SMYD3: variants seen among roughly 807,000 people sequenced by gnomAD.
SMYD3 encodes the protein SET and MYND domain containing 3, also known as histone-lysine N-methyltransferase SMYD3.
Under a neutral mutation model 57.7 loss-of-function variants are expected in SMYD3, and 36 were observed. The ratio of observed to expected loss-of-function variants is 0.62; its 90% CI spans 0.48 to 0.82. SMYD3 has a LOEUF of 0.82. Among genes scored for constraint, SMYD3 ranks in the 40% least tolerant of loss-of-function variants. SMYD3 has a pLI of 0.00. For missense variants in SMYD3, 515 were observed against 538.8 expected, an observed-to-expected ratio of 0.96 and a Z score of 0.44; for synonymous variants, 211 against 195.0, an observed-to-expected ratio of 1.08 and a Z score of -0.68.
At chr1:246,123,207 A>C (rs948857532) in intron 5 of SMYD3, among the ~76,000 whole-genome samples, 2 of 152,318 alleles carry the variant, frequency 1.3e-5, no homozygotes, top group Admixed American at 6.5e-5. Flanking sequence ...TCCAAAATTA[A>C]AGAGAACTTC....
At chr1:246,063,084 C>T (rs1167200376) in intron 5 of SMYD3, among the ~76,000 whole-genome samples, 9 of 152,170 alleles carry the variant, frequency 5.9e-5, no homozygotes, top group African/African-American at 1.2e-4. Context: ...ATCTACTAGG[C>T]AGACTCTCAG....
At chr1:246,138,437 T>A (rs35219796) in intron 5 of SMYD3, among the ~76,000 whole-genome samples, 65,837 of 136,644 alleles carry the variant, frequency 0.48, 20,112 homozygotes, top group Non-Finnish European at 0.69. Flanking sequence ...TTATTTATTT[T>A]TTTTCTGAGA....
chr1:246,002,242 T>C (rs138187886), intron 5 of SMYD3, among the ~76,000 whole-genome samples: 2 of 144,840 alleles, frequency 1.4e-5, no homozygotes, highest in Non-Finnish European at 3.0e-5. Context: ...TGGAGTGCTG[T>C]GGCGCGATCT....
intron 1 of SMYD3, among the ~76,000 whole-genome samples, chr1:246,496,150 C>A (rs1285487347): frequency 6.6e-6 from 1 of 151,868 alleles, no homozygotes; most frequent in Non-Finnish European, 1.5e-5. Flanking sequence ...GATTCTCCTG[C>A]CTCAGCCTCC....
chr1:246,152,341 T>C (rs1245910953), intron 5 of SMYD3, among the ~76,000 whole-genome samples: 1 of 152,266 alleles, frequency 6.6e-6, no homozygotes, highest in African/African-American at 2.4e-5. Flanking sequence ...ACAAGGACAC[T>C]CAGAACTGAC....
At chr1:246,132,844 A>T (rs2061607636) in intron 5 of SMYD3, among the ~76,000 whole-genome samples, 1 of 152,178 alleles carries the variant, frequency 6.6e-6, no homozygotes, top group African/African-American at 2.4e-5. Context: ...TATTTCTCCA[A>T]AGAAGAATTA....
At chr1:246,431,223 A>C (rs2067292625) in intron 1 of SMYD3, among the ~76,000 whole-genome samples, 1 of 152,216 alleles carries the variant, frequency 6.6e-6, no homozygotes, top group Non-Finnish European at 1.5e-5. Flanking sequence ...AATCAAAAAA[A>C]AGAAAAAAAC....
chr1:246,384,640 G>A (rs996507181), intron 1 of SMYD3, among the ~76,000 whole-genome samples: 4 of 152,096 alleles, frequency 2.6e-5, no homozygotes, highest in Non-Finnish European at 5.9e-5. Flanking sequence ...CAAGTGATCT[G>A]CCCGCCTCGG....
intron 1 of SMYD3, among the ~76,000 whole-genome samples, chr1:246,503,987 AG>A (rs2068498751): frequency 8.5e-5 from 2 of 23,606 alleles, no homozygotes; most frequent in Non-Finnish European, 3.6e-4. Flanking sequence ...AAGTGATTTC[AG>A]GTTATAATTT....
chr1:246,095,220 G>A (rs2060893398), intron 5 of SMYD3, among the ~76,000 whole-genome samples: 1 of 152,158 alleles, frequency 6.6e-6, no homozygotes, highest in Non-Finnish European at 1.5e-5. Flanking sequence ...TCCTTCACAG[G>A]AAGCAAAACA....
intron 5 of SMYD3, among the ~76,000 whole-genome samples, chr1:246,149,040 C>T (rs1252468556): frequency 6.6e-6 from 1 of 152,174 alleles, no homozygotes; most frequent in African/African-American, 2.4e-5. Flanking sequence ...GGAGTAGACG[C>T]CTCATTTGAG....
chr1:245,876,987 G>A (rs568968433), intron 8 of SMYD3, among the ~76,000 whole-genome samples: 17 of 152,178 alleles, frequency 1.1e-4, no homozygotes, highest in African/African-American at 4.1e-4. Flanking sequence ...AAAATGTCCC[G>A]GAGAAGAGGA....
At chr1:246,139,220 TTC>T (rs1459235106) in intron 5 of SMYD3, among the ~76,000 whole-genome samples, 1 of 152,188 alleles carries the variant, frequency 6.6e-6, no homozygotes, top group African/African-American at 2.4e-5. Context: ...CCTTTTAACC[TTC>T]TGTTATAAAG....
chr1:246,418,938 C>T (rs1291730058), intron 1 of SMYD3, among the ~76,000 whole-genome samples: 2 of 152,176 alleles, frequency 1.3e-5, no homozygotes, highest in Non-Finnish European at 2.9e-5. Flanking sequence ...ATAGCCAGTT[C>T]CTGCCTTAAC....
chr1:245,969,831 C>T (rs2058250148), intron 5 of SMYD3, among the ~76,000 whole-genome samples: 1 of 152,152 alleles, frequency 6.6e-6, no homozygotes, highest in Non-Finnish European at 1.5e-5. Flanking sequence ...GATTTTATTA[C>T]CTCTCTAAGT....
chr1:246,184,728 T>C (rs1254014954), intron 5 of SMYD3, among the ~76,000 whole-genome samples: 1 of 152,122 alleles, frequency 6.6e-6, no homozygotes, highest in African/African-American at 2.4e-5. Flanking sequence ...CCCTGTGTGC[T>C]TGCATGAGGA....
rs192186562 is a variant in SMYD3 at position 245,852,062 on chromosome 1, A to G, written c.1076+6434T>C. On this transcript the variant is annotated intron_variant, in intron 10 of 11. Transcript: ENST00000490107. ...TAGGCAAGCTGGATGAAGGCATGGT[A>G]TGTGAAGCTGCCAGATCACCTAAGC... Among the ~76,000 whole-genome samples, 628 of 152,312 alleles carry G rather than the reference A, an allele frequency of 4.1e-3. 6 individuals are homozygous for G. Among genetic ancestry groups the G allele is most frequent in the African/African-American group, 0.015 (608 of 41,580 alleles).
chr1:246,248,786 C>A (rs1262258726), intron 5 of SMYD3, among the ~76,000 whole-genome samples: 6 of 148,918 alleles, frequency 4.0e-5, no homozygotes, highest in African/African-American at 1.5e-4. Context: ...GGACCACAGG[C>A]GCCCGCCACC....
chr1:245,833,629 T>C (rs2148393402), intron 10 of SMYD3, among the ~76,000 whole-genome samples: 1 of 152,366 alleles, frequency 6.6e-6, no homozygotes, highest in Admixed American at 6.5e-5. Flanking sequence ...GCCAAGTTTT[T>C]CCACTGCAAG....
Sources: allele counts gnomAD v4.1 joint callset (sites outside exome capture counted in the v4.1 genomes callset), GRCh38; gene constraint gnomAD v4.1.1; transcripts MANE v1.5; gene names NCBI Gene and HGNC (gene_info 2026-07-23, HGNC 2026-07-21).